RALYL: variants seen among roughly 807,000 people sequenced by gnomAD.
RALYL encodes the protein RNA-binding Raly-like protein.
Under a neutral mutation model 35.1 loss-of-function variants are expected in RALYL, and 29 were observed. That is an observed-to-expected ratio of 0.83 (90% CI 0.61 to 1.13). RALYL has a LOEUF of 1.13. Among genes scored for constraint, RALYL ranks in the 50% most tolerant of loss-of-function variants. The pLI is 0.00. For missense variants in RALYL, 359 were observed against 360.4 expected, an observed-to-expected ratio of 1.00 and a Z score of 0.03; for synonymous variants, 120 against 127.6, an observed-to-expected ratio of 0.94 and a Z score of 0.40.
chr8:84,575,705 T>C (rs1014529611), intron 2 of RALYL, among the ~76,000 whole-genome samples: 1 of 152,198 alleles, frequency 6.6e-6, no homozygotes. Flanking sequence ...TTTTATCTCA[T>C]TGGCATATCC....
intron 1 of RALYL, among the ~76,000 whole-genome samples, chr8:84,449,522 T>A (rs943246975): frequency 6.6e-6 from 1 of 152,058 alleles, no homozygotes; most frequent in Admixed American, 6.6e-5. Flanking sequence ...TTTAACTGTT[T>A]AGTGCCTTCA....
At chr8:84,329,145 TG>T (rs1215390427) in intron 1 of RALYL, among the ~76,000 whole-genome samples, 1 of 152,158 alleles carries the variant, frequency 6.6e-6, no homozygotes, top group Non-Finnish European at 1.5e-5. Flanking sequence ...TTGGGTCAAA[TG>T]GGAGTTCTGT....
At chr8:84,485,452 C>T (rs906263125) in intron 1 of RALYL, among the ~76,000 whole-genome samples, 4 of 152,004 alleles carry the variant, frequency 2.6e-5, no homozygotes, top group African/African-American at 7.2e-5. Flanking sequence ...TGGTGGTGCA[C>T]GCCTGCAATC....
chr8:84,893,990 C>G (rs1012324645), intron 8 of RALYL, among the ~76,000 whole-genome samples: 1 of 152,130 alleles, frequency 6.6e-6, no homozygotes, highest in African/African-American at 2.4e-5. Context: ...TTCAACTAAG[C>G]AGTAAGTCAC....
intron 1 of RALYL, among the ~76,000 whole-genome samples, chr8:84,432,154 A>G (rs555761144): frequency 6.6e-6 from 1 of 152,300 alleles, no homozygotes; most frequent in Admixed American, 6.5e-5. Context: ...CATGATTCAT[A>G]ATAGCTAAAA....
rs539491468 is a variant in RALYL, at chr8:84,617,511, C to G, written c.256+87934C>G. Among the ~76,000 whole-genome samples, 309 of 150,530 alleles carry G rather than the reference C, an allele frequency of 2.1e-3. 9 individuals carry two copies. The highest frequency in any genetic ancestry group is 6.6e-3 in the African/African-American group (267 of 40,204). On this transcript the variant is annotated intron_variant, in intron 2 of 8. Transcript: ENST00000521268. ...TTTTGGGCTGAGACAATGGGGTTTT[C>G]TAGGTATACAATCATGTCATCTGCA...
intron 1 of RALYL, among the ~76,000 whole-genome samples, chr8:84,354,064 G>T (rs560041609): frequency 1.7e-5 from 2 of 119,646 alleles, no homozygotes; most frequent in Admixed American, 8.9e-5. Context: ...TTAAAAAATA[G>T]ATTTTTTTTT....
intron 2 of RALYL, among the ~76,000 whole-genome samples, chr8:84,571,965 G>C (rs764604512): frequency 9.2e-5 from 14 of 151,782 alleles, no homozygotes; most frequent in Non-Finnish European, 1.8e-4. Flanking sequence ...TTCAACTGTA[G>C]TCTGAGAAGA....
chr8:84,257,835 G>A (rs561291933), intron 1 of RALYL, among the ~76,000 whole-genome samples: 20 of 152,110 alleles, frequency 1.3e-4, no homozygotes, highest in Non-Finnish European at 2.6e-4. Context: ...TCAGTTTGTG[G>A]ATATTTAAAA....
intron 8 of RALYL, among the ~76,000 whole-genome samples, chr8:84,920,471 A>G (rs1321492030): frequency 6.6e-6 from 1 of 152,078 alleles, no homozygotes; most frequent in East Asian, 1.9e-4. Context: ...CCTATCCCAG[A>G]TGCATAAGGC....
At chr8:84,288,801 G>A (rs1838187294) in intron 1 of RALYL, among the ~76,000 whole-genome samples, 1 of 152,028 alleles carries the variant, frequency 6.6e-6, no homozygotes, top group Non-Finnish European at 1.5e-5. Context: ...TAAGTAATTA[G>A]TATAATTAGA....
chr8:84,230,302 A>G (rs1411801173), intron 1 of RALYL, among the ~76,000 whole-genome samples: 1 of 152,094 alleles, frequency 6.6e-6, no homozygotes. Flanking sequence ...AAAACAATGT[A>G]TACATGGAGA....
intron 1 of RALYL, among the ~76,000 whole-genome samples, chr8:84,232,834 G>A (rs77191901): frequency 0.1 from 15,348 of 151,920 alleles, 1,075 homozygotes; most frequent in African/African-American, 0.2. Context: ...ATAACTGTGT[G>A]GAATTATAAT....
At chr8:84,836,398 G>A (rs76161548) in intron 4 of RALYL, among the ~76,000 whole-genome samples, 124 of 152,188 alleles carry the variant, frequency 8.1e-4, no homozygotes, top group African/African-American at 2.9e-3. Flanking sequence ...CACCAGTAGC[G>A]AGGAACTCTG....
intron 1 of RALYL, among the ~76,000 whole-genome samples, chr8:84,433,069 T>G (rs1456477684): frequency 6.6e-6 from 1 of 152,162 alleles, no homozygotes; most frequent in Non-Finnish European, 1.5e-5. Context: ...ATTGTTCCTA[T>G]TTTATATAGT....
chr8:84,190,995 C>G (rs1813717409), intron 1 of RALYL, among the ~76,000 whole-genome samples: 1 of 150,784 alleles, frequency 6.6e-6, no homozygotes, highest in African/African-American at 2.4e-5. Context: ...TATTGTTCAA[C>G]AGAGCTAATG....
chr8:84,518,171 A>C lies in RALYL; in HGVS notation c.-23-11128A>C, dbSNP rs368420895. ...GACGTAGTGGTATAGTTATACCTATAGTCAACCATCTCCTTACTATTATTT... is the reference window on the plus strand; with the variant it reads ...GACGTAGTGGTATAGTTATACCTATCGTCAACCATCTCCTTACTATTATTT... On this transcript the variant is annotated intron_variant, in intron 1 of 8. Transcript: ENST00000521268. 1.4e-4 allele frequency among the ~76,000 whole-genome samples: 21 copies of C among 151,550 alleles called. 2 individuals are homozygous for C. In the South Asian group the frequency reaches 4.0e-3, roughly 29 times the overall value.
At chr8:84,375,641 G>A (rs186181535) in intron 1 of RALYL, among the ~76,000 whole-genome samples, 65 of 151,854 alleles carry the variant, frequency 4.3e-4, no homozygotes, top group Non-Finnish European at 7.7e-4. Context: ...AAAGTGGTAC[G>A]CAAATTCATG....
chr8:84,805,885 T>A (rs1160901909), intron 4 of RALYL, among the ~76,000 whole-genome samples: 1 of 152,126 alleles, frequency 6.6e-6, no homozygotes, highest in African/African-American at 2.4e-5. Flanking sequence ...TATGAAAAAG[T>A]TGTGAAAAAT....
Sources: gnomAD v4.1 joint callset for allele counts (sites outside exome capture counted in the v4.1 genomes callset) on GRCh38, gnomAD v4.1.1 for gene constraint, MANE v1.5 for transcripts, NCBI Gene and HGNC (gene_info 2026-07-23, HGNC 2026-07-21) for gene names.